The following CHSY1 variants were observed in gnomAD, a reference collection of about 807,000 sequenced individuals.
The protein encoded by CHSY1 is chondroitin sulfate synthase 1, also known as N-acetylgalactosaminyl-proteoglycan 3-beta-glucuronosyltransferase 1.
CHSY1 carries 13 observed loss-of-function variants against 59.8 expected under a neutral mutation model. The observed-to-expected ratio is 0.22, with a 90% CI of 0.14 to 0.35. The LOEUF is 0.35. CHSY1 is among the 10% of genes least tolerant of loss of function. The pLI, the probability that CHSY1 is intolerant of heterozygous loss-of-function variation, is 1.00. For missense variants in CHSY1, 947 were observed against 1,030.6 expected (o/e 0.92, Z 1.11); for synonymous variants, 459 against 401.2 (o/e 1.14, Z -1.72).
chr15:101,225,344 C>G (rs1386796153), intron 2 of CHSY1, among the ~76,000 whole-genome samples: 1 of 152,154 alleles, frequency 6.6e-6, no homozygotes, highest in Non-Finnish European at 1.5e-5. Flanking sequence ...AGGCGTGAGC[C>G]ACTGCTGAGC....
chr15:101,222,665 G>C (rs1443565629), intron 2 of CHSY1, among the ~76,000 whole-genome samples: 1 of 152,190 alleles, frequency 6.6e-6, no homozygotes. Flanking sequence ...AAGAACACGG[G>C]TCAAGTATCT....
intron 2 of CHSY1, among the ~76,000 whole-genome samples, chr15:101,193,144 C>T (rs771774955): frequency 6.6e-6 from 1 of 152,214 alleles, no homozygotes; most frequent in Non-Finnish European, 1.5e-5. Flanking sequence ...CACAGCAAAG[C>T]CGAGGTTGGC....
chr15:101,193,540 G>C (rs1045297746), intron 2 of CHSY1, among the ~76,000 whole-genome samples: 8 of 152,248 alleles, frequency 5.3e-5, no homozygotes, highest in Non-Finnish European at 1.2e-4. Flanking sequence ...GGGAGCAGGC[G>C]AACGCTCCTT....
intron 2 of CHSY1, among the ~76,000 whole-genome samples, chr15:101,196,570 A>G (rs2141250626): frequency 6.6e-6 from 1 of 152,346 alleles, no homozygotes; most frequent in East Asian, 1.9e-4. Flanking sequence ...CAGCACTGTA[A>G]TGCCACCAAG....
At chr15:101,226,570 C>T (rs1314517600) in intron 2 of CHSY1, among the ~76,000 whole-genome samples, 1 of 152,074 alleles carries the variant, frequency 6.6e-6, no homozygotes, top group African/African-American at 2.4e-5. Context: ...CTGGCCTTAC[C>T]CTTCGCCCCA....
At chr15:101,236,106 A>G (rs2038938707) in intron 1 of CHSY1, among the ~76,000 whole-genome samples, 1 of 152,244 alleles carries the variant, frequency 6.6e-6, no homozygotes, top group Non-Finnish European at 1.5e-5. Flanking sequence ...ATGAACTAAG[A>G]GAAGTACTCC....
At chr15:101,245,402 T>C (rs927893621) in intron 1 of CHSY1, among the ~76,000 whole-genome samples, 2 of 152,240 alleles carry the variant, frequency 1.3e-5, no homozygotes, top group African/African-American at 4.8e-5. Flanking sequence ...GAGACATTTC[T>C]TGATCCATCA....
chr15:101,244,346 T>A (rs958908951), intron 1 of CHSY1, among the ~76,000 whole-genome samples: 4 of 152,196 alleles, frequency 2.6e-5, no homozygotes, highest in Admixed American at 2.6e-4. Flanking sequence ...AAAACGGTTG[T>A]GACACTAACC....
In CHSY1 at chr15:101,247,476, AAAG is replaced by A. The variant is rs148968353; in HGVS notation, c.320+3658_320+3660del. ...TCTTTTTAGTGTCGTCCCTCTGACT[AAAG>A]AACATGACAGCAAGCCGTGTACTGC... On this transcript the variant is annotated intron_variant, in intron 1 of 2. Transcript: ENST00000254190. Among the ~76,000 whole-genome samples, 1,010 of 152,280 alleles carry A rather than the reference AAAG, an allele frequency of 6.6e-3. 22 individuals carry two copies. In the East Asian group the frequency reaches 0.071, roughly 11 times the overall value.
intron 1 of CHSY1, among the ~76,000 whole-genome samples, chr15:101,248,768 T>C (rs766601950): frequency 6.6e-5 from 10 of 152,172 alleles, no homozygotes; most frequent in Non-Finnish European, 1.2e-4. Flanking sequence ...TAGTTCTAGT[T>C]TGCATTACAT....
At chr15:101,180,834 G>T (rs1355390974) in intron 2 of CHSY1, among the ~76,000 whole-genome samples, 1 of 152,120 alleles carries the variant, frequency 6.6e-6, no homozygotes, top group Admixed American at 6.5e-5. Flanking sequence ...TCTGTGGGTC[G>T]CAACAAAAGA....
At chr15:101,250,854 G>C (rs1391430142) in intron 1 of CHSY1, among the ~76,000 whole-genome samples, 1 of 152,208 alleles carries the variant, frequency 6.6e-6, no homozygotes, top group African/African-American at 2.4e-5. Context: ...GAGAAGCTTC[G>C]ATTTGCAAAG....
intron 2 of CHSY1, among the ~76,000 whole-genome samples, chr15:101,210,259 T>C (rs2038670561): frequency 6.6e-6 from 1 of 152,198 alleles, no homozygotes; most frequent in Admixed American, 6.5e-5. Context: ...CAATTCTGCA[T>C]AATGTGCAAA....
chr15:101,201,999 A>C (rs1318608248), intron 2 of CHSY1, among the ~76,000 whole-genome samples: 1 of 152,250 alleles, frequency 6.6e-6, no homozygotes, highest in African/African-American at 2.4e-5. Context: ...AATCGGGGCT[A>C]AATTATGGGA....
intron 2 of CHSY1, among the ~76,000 whole-genome samples, chr15:101,234,573 C>T (rs1343892162): frequency 6.6e-6 from 1 of 152,160 alleles, no homozygotes; most frequent in African/African-American, 2.4e-5. Flanking sequence ...AGTATTAGGA[C>T]AAAAGTATGG....
intron 2 of CHSY1, among the ~76,000 whole-genome samples, chr15:101,191,668 G>GGCA (rs1346581759): frequency 6.6e-6 from 1 of 152,166 alleles, no homozygotes; most frequent in Non-Finnish European, 1.5e-5. Context: ...TGCACGTGTA[G>GGCA]GGGCAGGCGC....
intron 2 of CHSY1, among the ~76,000 whole-genome samples, chr15:101,180,123 G>C (rs985980988): frequency 1.3e-5 from 2 of 152,168 alleles, no homozygotes; most frequent in Non-Finnish European, 2.9e-5. Flanking sequence ...ACTCTTTCCT[G>C]AGCCACTGCA....
Position 101,251,264 on chromosome 15 carries a change from C to G in CHSY1, c.193G>C (p.Ala65Pro). ...ASQAGGARGD[A>P]RGAQLWPPGS... ...GGCGGCCAGAGCTGCGCCCCGCGCG[C>G]ATCGCCGCGCGCCCCGCCGGCCTGG... The change falls in exon 1 of 3, where the codon GCG becomes CCG. Residue 65 changes from alanine to proline, a missense_variant. Ala to Pro is a conservative substitution (Grantham distance 27). Around this residue, in one of 4 missense-constraint regions of CHSY1, gnomAD observed 232 missense variants for 188.5 expected, o/e 1.23. Coordinates refer to ENST00000254190, the MANE Select transcript of CHSY1 (RefSeq NM_014918.5). The G allele has an allele frequency of 6.6e-6, 9 of 1,360,550 alleles. No homozygotes were observed. Among genetic ancestry groups the G allele is most frequent in the Non-Finnish European group, 8.5e-6 (9 of 1,057,002 alleles). 84.3% of individuals were successfully genotyped at this position (1,360,550 alleles called of 1,614,324 possible).
chr15:101,239,684 C>G (rs967677336), intron 1 of CHSY1, among the ~76,000 whole-genome samples: 6 of 152,020 alleles, frequency 3.9e-5, no homozygotes, highest in Non-Finnish European at 5.9e-5. Flanking sequence ...CAGGAGCACA[C>G]GGAGCAAAGG....
Sources: allele counts gnomAD v4.1 joint callset (sites outside exome capture counted in the v4.1 genomes callset), GRCh38; gene constraint gnomAD v4.1.1; regional missense constraint gnomAD v4.1.1; transcripts MANE v1.5; gene names NCBI Gene and HGNC (gene_info 2026-07-23, HGNC 2026-07-21).